The following BCAS1 variants were observed in gnomAD, a reference collection of about 807,000 sequenced individuals.
BCAS1 encodes the protein breast carcinoma-amplified sequence 1.
A neutral mutation model predicts 65.4 loss-of-function variants in BCAS1; 46 were observed. That is an observed-to-expected ratio of 0.70 (90% confidence interval 0.55 to 0.90). The LOEUF is 0.90. Among genes scored for constraint, BCAS1 ranks in the 40% least tolerant of loss-of-function variants. The pLI, the probability that BCAS1 is intolerant of heterozygous loss-of-function variation, is 0.00. For missense variants in BCAS1, 793 were observed against 771.2 expected (o/e 1.03, Z -0.33); for synonymous variants, 298 against 293.5 (o/e 1.02, Z -0.16).
intron 3 of BCAS1, among the ~76,000 whole-genome samples, chr20:54,041,909 C>CAAAAAA (rs796435949): frequency 2.5e-5 from 2 of 79,772 alleles, no homozygotes; most frequent in Non-Finnish European, 4.5e-5. Flanking sequence ...CTGTCTCCCC[C>CAAAAAA]AAAAAAAAAA....
intron 8 of BCAS1, among the ~76,000 whole-genome samples, chr20:53,981,657 ACAGT>A (rs1379858302): frequency 3.9e-5 from 6 of 151,944 alleles, no homozygotes; most frequent in African/African-American, 1.5e-4. Context: ...TAAAATTTAA[ACAGT>A]CAGTAACTGT....
chr20:54,053,288 G>T (rs1310486063), intron 3 of BCAS1, among the ~76,000 whole-genome samples: 1 of 152,172 alleles, frequency 6.6e-6, no homozygotes, highest in East Asian at 1.9e-4. Context: ...CAATCCACAT[G>T]GATTGTATTA....
At position 53,975,746 on chromosome 20, in the gene BCAS1, T is replaced by C. The variant is rs1381614689; in HGVS notation, c.1276-316A>G. On this transcript the variant is annotated intron_variant, in intron 8 of 12. Coordinates refer to ENST00000688948, the MANE Select transcript of BCAS1 (RefSeq NM_001366298.2). ...TGTAGGTAAGCAATGTACTTGCCTT[T>C]ATATTTTTTAGTAGTTGATGAAAAG... 2.0e-5 allele frequency among the ~76,000 whole-genome samples: 3 copies of C among 152,248 alleles called. No individual in the cohort carries two copies. In the East Asian group the frequency reaches 5.8e-4, roughly 29 times the overall value.
At chr20:53,970,957 C>T (rs567061764) in intron 9 of BCAS1, among the ~76,000 whole-genome samples, 4 of 152,058 alleles carry the variant, frequency 2.6e-5, no homozygotes, top group African/African-American at 9.6e-5. Context: ...TCTCTCTCAT[C>T]TGCTTACACA....
At chr20:54,026,321 C>T (rs2091672335) in intron 4 of BCAS1, among the ~76,000 whole-genome samples, 1 of 146,128 alleles carries the variant, frequency 6.8e-6, no homozygotes, top group Non-Finnish European at 1.5e-5. Context: ...AGGTTCTACC[C>T]CTAAGAGTTC....
chr20:54,036,724 A>G (rs2091905875), intron 3 of BCAS1, among the ~76,000 whole-genome samples: 1 of 151,394 alleles, frequency 6.6e-6, no homozygotes, highest in Non-Finnish European at 1.5e-5. Context: ...AACAGTAGTT[A>G]TTTTTGTTAT....
At chr20:53,988,215 T>C (rs1183783154) in intron 7 of BCAS1, among the ~76,000 whole-genome samples, 3 of 152,200 alleles carry the variant, frequency 2.0e-5, no homozygotes, top group Non-Finnish European at 1.5e-5. Flanking sequence ...TTAGCCCACT[T>C]ACTCAGAGTC....
At chr20:53,965,737 T>G (rs1168079292) in intron 10 of BCAS1, among the ~76,000 whole-genome samples, 2 of 152,224 alleles carry the variant, frequency 1.3e-5, no homozygotes, top group Non-Finnish European at 2.9e-5. Context: ...TGCCATATCT[T>G]TATATAACTT....
intron 10 of BCAS1, among the ~76,000 whole-genome samples, chr20:53,962,881 C>T (rs973310271): frequency 1.3e-5 from 2 of 152,054 alleles, no homozygotes; most frequent in Non-Finnish European, 2.9e-5. Context: ...GACGGAGTCT[C>T]GCTCTGTCGC....
In BCAS1 at chr20:53,944,783, C is replaced by T; in HGVS notation, c.*139G>A. The stretch of plus-strand genomic sequence containing the variant: ...AATAATACACCTCAATATACAACAG[C>T]TCGGGCTTAATTTCTAGGCAGAATT... On this transcript the variant is annotated 3_prime_UTR_variant, in exon 13 of 13. Coordinates refer to ENST00000688948, the MANE Select transcript of BCAS1 (RefSeq NM_001366298.2). 1 of 826,834 alleles carries T rather than the reference C, an allele frequency of 1.2e-6. No individual in the cohort carries two copies. The highest frequency in any genetic ancestry group is 2.1e-6 in the Non-Finnish European group (1 of 478,276). The allele number at this position is 826,834 out of a possible 1,614,324, so 51.2% of individuals were successfully genotyped here. A position where few individuals can be genotyped will look rare whatever the true frequency, so the allele number is the denominator to read the frequency against.
At chr20:54,061,145 C>A (rs2092371973) in intron 1 of BCAS1, among the ~76,000 whole-genome samples, 1 of 152,158 alleles carries the variant, frequency 6.6e-6, no homozygotes, top group African/African-American at 2.4e-5. Flanking sequence ...TTTCATTCTT[C>A]ATATGAGGTA....
chr20:54,021,600 A>C (rs927696896), intron 4 of BCAS1, among the ~76,000 whole-genome samples: 3 of 151,796 alleles, frequency 2.0e-5, no homozygotes, highest in African/African-American at 7.3e-5. Flanking sequence ...TGGAGCTGGA[A>C]GCCATTATCT....
chr20:54,005,690 G>C (rs1044385496), intron 4 of BCAS1, among the ~76,000 whole-genome samples: 4 of 152,116 alleles, frequency 2.6e-5, no homozygotes, highest in Non-Finnish European at 5.9e-5. Flanking sequence ...TGTGCACCAA[G>C]GTCAAGAGTG....
chr20:54,029,227 G>A (rs1393798541), intron 3 of BCAS1: 12 of 985,248 alleles, frequency 1.2e-5, no homozygotes, highest in Non-Finnish European at 1.4e-5. Context: ...TGTGGAATGA[G>A]TGATATTCAA....
intron 9 of BCAS1, among the ~76,000 whole-genome samples, chr20:53,968,637 C>A (rs1163752509): frequency 6.6e-6 from 1 of 152,200 alleles, no homozygotes; most frequent in Non-Finnish European, 1.5e-5. Context: ...AAGCTACTGA[C>A]ACAATTTCTA....
At chr20:53,960,084 A>G (rs1455478752) in intron 10 of BCAS1, among the ~76,000 whole-genome samples, 3 of 152,294 alleles carry the variant, frequency 2.0e-5, no homozygotes, top group Middle Eastern at 3.4e-3. Flanking sequence ...GCTTTGGATC[A>G]TATCTGTCAA....
chr20:54,066,173 CA>C (rs1403293481), intron 1 of BCAS1, among the ~76,000 whole-genome samples: 1 of 151,702 alleles, frequency 6.6e-6, no homozygotes, highest in Non-Finnish European at 1.5e-5. Context: ...CCCGGGTTCA[CA>C]CCATTCTCCT....
intron 10 of BCAS1, among the ~76,000 whole-genome samples, chr20:53,959,693 T>G (rs568502364): frequency 1.4e-4 from 22 of 152,350 alleles, no homozygotes; most frequent in Non-Finnish European, 2.6e-4. Context: ...GTGCTCTTTT[T>G]AATATACTGC....
chr20:54,034,312 G>A lies in BCAS1; in HGVS notation c.143-5340C>T, dbSNP rs922817112. Among the ~76,000 whole-genome samples the A allele has an allele frequency of 5.9e-5, 9 of 151,392 alleles. 1 individual carries two copies. The highest frequency in any genetic ancestry group is 5.8e-4 in the East Asian group (3 of 5,188). On this transcript the variant is annotated intron_variant, in intron 3 of 12. Transcript: ENST00000688948. ...ATCGGGCAAGAGAAATAAATAAAGC[G>A]CATCCAAATAGGAAGAGAGGAAGTC...
Sources: allele counts gnomAD v4.1 joint callset (sites outside exome capture counted in the v4.1 genomes callset), GRCh38; gene constraint gnomAD v4.1.1; transcripts MANE v1.5; gene names NCBI Gene and HGNC (gene_info 2026-07-23, HGNC 2026-07-21).